The following PTPN9 variants were observed in gnomAD, a reference collection of about 807,000 sequenced individuals.
PTPN9 encodes the protein tyrosine-protein phosphatase non-receptor type 9.
PTPN9 carries 26 observed loss-of-function variants against 69.8 expected under a neutral mutation model. That is an observed-to-expected ratio of 0.37 (90% CI 0.27 to 0.52). The LOEUF (loss-of-function observed/expected upper bound fraction) is 0.52. Ranked by LOEUF, PTPN9 falls within the 20% of genes least tolerant of loss-of-function variation. PTPN9 has a pLI of 0.91. For synonymous variants in PTPN9, 274 were observed against 272.5 expected, an observed-to-expected ratio of 1.01 and a Z score of -0.05; for missense variants, 549 against 740.3, an observed-to-expected ratio of 0.74 and a Z score of 3.00.
chr15:75,486,597 C>A (rs2074678980), intron 8 of PTPN9, among the ~76,000 whole-genome samples: 1 of 152,054 alleles, frequency 6.6e-6, no homozygotes, highest in African/African-American at 2.4e-5. Context: ...ATTAAGGCAG[C>A]CATGTTCAAC....
intron 1 of PTPN9, among the ~76,000 whole-genome samples, chr15:75,556,204 C>T (rs891021440): frequency 2.7e-5 from 4 of 150,854 alleles, no homozygotes; most frequent in Non-Finnish European, 5.9e-5. Flanking sequence ...GCTGGGATTA[C>T]AGGCGCCCAC....
At chr15:75,568,107 C>A (rs2075134157) in intron 1 of PTPN9, among the ~76,000 whole-genome samples, 1 of 152,012 alleles carries the variant, frequency 6.6e-6, no homozygotes, top group African/African-American at 2.4e-5. Flanking sequence ...ATAGTTTGGA[C>A]CTAAGAGATC....
In PTPN9 at chr15:75,533,652, T is replaced by C. The variant is rs116966697; in HGVS notation, c.64-6391A>G. ...ATGTTTAAATAAATAAAAACAAGTTTCTTGACTATGGCCATGAAGATAAAG... is the reference window on the plus strand; with the variant it reads ...ATGTTTAAATAAATAAAAACAAGTTCCTTGACTATGGCCATGAAGATAAAG... On this transcript the variant is annotated intron_variant, in intron 1 of 12. Transcript: ENST00000618819. Among the ~76,000 whole-genome samples, 937 of 152,302 alleles carry C rather than the reference T, an allele frequency of 6.2e-3. 4 individuals carry two copies. Among genetic ancestry groups the C allele is most frequent in the Non-Finnish European group, 9.4e-3 (637 of 68,030 alleles).
chr15:75,486,975 CG>C (rs1567474696), intron 8 of PTPN9, among the ~76,000 whole-genome samples: 1 of 151,560 alleles, frequency 6.6e-6, no homozygotes, highest in African/African-American at 2.4e-5. Context: ...TTAGTAGAGA[CG>C]GGGTTTCACC....
At chr15:75,568,530 CAA>C (rs1319658924) in intron 1 of PTPN9, among the ~76,000 whole-genome samples, 3 of 125,470 alleles carry the variant, frequency 2.4e-5, no homozygotes, top group African/African-American at 8.7e-5. Context: ...AAAAACAAAA[CAA>C]AAAAAAAACA....
chr15:75,578,652 G>A, intron 1 of PTPN9, 62 bp downstream of exon 1: 1 of 1,243,016 alleles, frequency 8.0e-7, no homozygotes, highest in Non-Finnish European at 1.0e-6. Flanking sequence ...TCGGGAGGCA[G>A]AGGCCGGCGT....
At chr15:75,517,155 A>G in intron 5 of PTPN9, 104 bp downstream of exon 5, 1 of 761,560 alleles carries the variant, frequency 1.3e-6, no homozygotes, top group South Asian at 2.1e-5. Context: ...ATTGAACATA[A>G]TGTCTGAAGT....
chr15:75,502,499 C>T (rs371937272), intron 7 of PTPN9, among the ~76,000 whole-genome samples: 38 of 151,492 alleles, frequency 2.5e-4, no homozygotes, highest in Non-Finnish European at 3.8e-4. Context: ...TACAGGTGTG[C>T]GCCACCACAC....
chr15:75,574,430 T>C (rs2075162433), intron 1 of PTPN9, among the ~76,000 whole-genome samples: 1 of 151,944 alleles, frequency 6.6e-6, no homozygotes, highest in African/African-American at 2.4e-5. Flanking sequence ...ATGGACCAGG[T>C]GGGAAACAAA....
chr15:75,549,836 T>C (rs1197195362), intron 1 of PTPN9, among the ~76,000 whole-genome samples: 2 of 151,948 alleles, frequency 1.3e-5, no homozygotes, highest in African/African-American at 2.4e-5. Context: ...TAGCCAGGTG[T>C]GGTAAAGCAT....
At chr15:75,568,868 C>T (rs1215659323) in intron 1 of PTPN9, among the ~76,000 whole-genome samples, 1 of 152,064 alleles carries the variant, frequency 6.6e-6, no homozygotes, top group Non-Finnish European at 1.5e-5. Context: ...GTGAACCAAA[C>T]GCTTAAGAAG....
intron 1 of PTPN9, among the ~76,000 whole-genome samples, chr15:75,561,607 T>C (rs1286615860): frequency 6.6e-6 from 1 of 152,170 alleles, no homozygotes; most frequent in Non-Finnish European, 1.5e-5. Context: ...GGCATGACCA[T>C]GGTTCATTGC....
intron 1 of PTPN9, among the ~76,000 whole-genome samples, chr15:75,559,260 G>A (rs1334329864): frequency 5.3e-5 from 8 of 152,124 alleles, no homozygotes; most frequent in Non-Finnish European, 1.2e-4. Context: ...CCACCACCCC[G>A]TCTGGGAGGT....
intron 7 of PTPN9, among the ~76,000 whole-genome samples, chr15:75,491,494 G>T (rs1274320301): frequency 6.6e-6 from 1 of 152,124 alleles, no homozygotes; most frequent in Non-Finnish European, 1.5e-5. Context: ...GTACTAAGAA[G>T]TGGGGTGCTT....
chr15:75,505,028 G>C (rs1002191089), intron 7 of PTPN9, among the ~76,000 whole-genome samples: 1 of 152,242 alleles, frequency 6.6e-6, no homozygotes, highest in Non-Finnish European at 1.5e-5. Flanking sequence ...AGGGGGGAAA[G>C]GTGGGGAAAA....
chr15:75,541,670 T>C (rs2075009226), intron 1 of PTPN9, among the ~76,000 whole-genome samples: 1 of 151,924 alleles, frequency 6.6e-6, no homozygotes, highest in Non-Finnish European at 1.5e-5. Flanking sequence ...CCTCTCAAAG[T>C]GCTGGGATTA....
At chr15:75,556,317 C>T (rs1340303187) in intron 1 of PTPN9, among the ~76,000 whole-genome samples, 3 of 151,998 alleles carry the variant, frequency 2.0e-5, no homozygotes, top group South Asian at 4.2e-4. Context: ...CCTGCCTCGG[C>T]CTCCCAAAGT....
At chr15:75,473,241 T>C (rs1464139281) in intron 10 of PTPN9, among the ~76,000 whole-genome samples, 1 of 151,966 alleles carries the variant, frequency 6.6e-6, no homozygotes, top group Admixed American at 6.6e-5. Context: ...CTGGCTTTCC[T>C]AATCCTCAAT....
chr15:75,572,192 C>T (rs1196193391), intron 1 of PTPN9, among the ~76,000 whole-genome samples: 1 of 151,834 alleles, frequency 6.6e-6, no homozygotes, highest in Non-Finnish European at 1.5e-5. Context: ...ATAAGCCAGG[C>T]GTGGTGGCAG....
Sources: allele counts gnomAD v4.1 joint callset (sites outside exome capture counted in the v4.1 genomes callset), GRCh38; gene constraint gnomAD v4.1.1; transcripts MANE v1.5; gene names NCBI Gene and HGNC (gene_info 2026-07-23, HGNC 2026-07-21).